Variants in ATG10 observed in about 807,000 individuals in gnomAD.
ATG10 encodes the protein autophagy related 10.
ATG10 carries 30 observed loss-of-function variants against 32.1 expected under a neutral mutation model. The observed-to-expected ratio is 0.94, with a 90% CI of 0.70 to 1.27. ATG10 has a LOEUF of 1.27. Among genes scored for constraint, ATG10 ranks in the 50% most tolerant of loss-of-function variants. ATG10 has a pLI of 0.00. For synonymous variants in ATG10, 87 were observed against 91.5 expected, an observed-to-expected ratio of 0.95 and a Z score of 0.28; for missense variants, 233 against 262.3, an observed-to-expected ratio of 0.89 and a Z score of 0.77.
At chr5:82,075,273 T>C (rs1372328765) in intron 3 of ATG10, among the ~76,000 whole-genome samples, 4 of 152,094 alleles carry the variant, frequency 2.6e-5, no homozygotes, top group African/African-American at 9.7e-5. Context: ...GGGCAAGATA[T>C]AAAGAGCTTG....
intron 3 of ATG10, among the ~76,000 whole-genome samples, chr5:82,139,485 T>G (rs1766945746): frequency 7.8e-6 from 1 of 128,778 alleles, no homozygotes; most frequent in African/African-American, 3.0e-5. Context: ...GGAGCGCCTC[T>G]GCCCCGCCGC....
chr5:82,070,733 C>T (rs1257680470), intron 3 of ATG10, among the ~76,000 whole-genome samples: 1 of 152,142 alleles, frequency 6.6e-6, no homozygotes. Flanking sequence ...CCTCTATTGC[C>T]ACTTCCCAAT....
chr5:82,117,913 T>C (rs1765872861), intron 3 of ATG10, among the ~76,000 whole-genome samples: 5 of 152,026 alleles, frequency 3.3e-5, no homozygotes, highest in South Asian at 2.1e-4. Context: ...TTTAGGAGGA[T>C]TGTGGCACTA....
chr5:82,236,470 A>T (rs1233004698), intron 5 of ATG10, among the ~76,000 whole-genome samples: 1 of 152,180 alleles, frequency 6.6e-6, no homozygotes, highest in Non-Finnish European at 1.5e-5. Context: ...CTAATCCAGG[A>T]GCTGGAGTGG....
chr5:82,118,318 A>G (rs73768631), intron 3 of ATG10, among the ~76,000 whole-genome samples: 1,545 of 124,328 alleles, frequency 0.012, 15 homozygotes, highest in African/African-American at 0.04. Flanking sequence ...GTGTGTGTGT[A>G]TATATATATA....
intron 3 of ATG10, among the ~76,000 whole-genome samples, chr5:82,063,932 C>T (rs1278609385): frequency 6.7e-6 from 1 of 149,158 alleles, no homozygotes; most frequent in East Asian, 1.9e-4. Context: ...TCCCATGACA[C>T]AAATTTACCT....
chr5:82,220,547 C>T (rs1420373675), intron 5 of ATG10, among the ~76,000 whole-genome samples: 1 of 152,012 alleles, frequency 6.6e-6, no homozygotes, highest in Admixed American at 6.6e-5. Flanking sequence ...CAGGTGTGAG[C>T]TACCGCGCCT....
chr5:82,153,117 T>C (rs1320164315), intron 3 of ATG10, among the ~76,000 whole-genome samples: 1 of 152,212 alleles, frequency 6.6e-6, no homozygotes, highest in East Asian at 1.9e-4. Flanking sequence ...TATATTCTTA[T>C]AGCACTTGCA....
At chr5:82,016,783 G>A (rs921487744) in intron 2 of ATG10, among the ~76,000 whole-genome samples, 3 of 151,804 alleles carry the variant, frequency 2.0e-5, no homozygotes, top group Non-Finnish European at 2.9e-5. Flanking sequence ...CTGCCTCCCA[G>A]GTTCACACCA....
chr5:82,114,456 C>T (rs1472912172), intron 3 of ATG10, among the ~76,000 whole-genome samples: 2 of 152,162 alleles, frequency 1.3e-5, no homozygotes, highest in East Asian at 3.9e-4. Flanking sequence ...TGGTTTCCTG[C>T]CCTGCCCACA....
At chr5:82,047,109 AAG>A (rs1291798827) in intron 2 of ATG10, among the ~76,000 whole-genome samples, 1 of 152,120 alleles carries the variant, frequency 6.6e-6, no homozygotes, top group African/African-American at 2.4e-5. Flanking sequence ...AGCAGGAACA[AAG>A]AGAGAAAAAA....
rs1245130579 is a variant in ATG10, at chr5:82,124,391, C to T, written c.217-40008C>T. Among the ~76,000 whole-genome samples, 3 of 151,266 alleles carry T rather than the reference C, an allele frequency of 2.0e-5. No homozygotes were observed. The South Asian group carries it at 6.3e-4, about 32-fold the overall frequency. ...GGTATACATGTGCCATGGTGGTTTG[C>T]TCCACCCATCAACCCATCATCTACA... On this transcript the variant is annotated intron_variant, in intron 3 of 7. Coordinates refer to ENST00000282185, the MANE Select transcript of ATG10 (RefSeq NM_031482.5).
chr5:82,041,577 G>T (rs2149728084), intron 2 of ATG10, among the ~76,000 whole-genome samples: 1 of 152,198 alleles, frequency 6.6e-6, no homozygotes, highest in Non-Finnish European at 1.5e-5. Flanking sequence ...CTCCTAAAAA[G>T]ATACAGAAAT....
At chr5:82,058,764 A>T (rs1451609449) in intron 3 of ATG10, among the ~76,000 whole-genome samples, 162 bp downstream of exon 3, 1 of 152,214 alleles carries the variant, frequency 6.6e-6, no homozygotes, top group African/African-American at 2.4e-5. Context: ...TAAATATTTT[A>T]AAAACTTCAA....
At chr5:82,142,061 A>T (rs1767174171) in intron 3 of ATG10, among the ~76,000 whole-genome samples, 1 of 152,210 alleles carries the variant, frequency 6.6e-6, no homozygotes, top group Non-Finnish European at 1.5e-5. Flanking sequence ...TACAGTGCAT[A>T]TTCTGGATTA....
intron 2 of ATG10, among the ~76,000 whole-genome samples, chr5:82,043,941 G>A (rs917119091): frequency 6.6e-6 from 1 of 152,000 alleles, no homozygotes; most frequent in East Asian, 1.9e-4. Context: ...CCTCCAAACT[G>A]TTCCAACTTC....
At chr5:82,130,732 A>G (rs1766484379) in intron 3 of ATG10, among the ~76,000 whole-genome samples, 5 of 152,120 alleles carry the variant, frequency 3.3e-5, no homozygotes, top group Admixed American at 3.3e-4. Flanking sequence ...AAATGCTGAA[A>G]TCACCTACTT....
At chr5:82,013,822 C>T (rs1400498079) in intron 2 of ATG10, among the ~76,000 whole-genome samples, 1 of 152,052 alleles carries the variant, frequency 6.6e-6, no homozygotes, top group Non-Finnish European at 1.5e-5. Flanking sequence ...ATTGTCTATT[C>T]ATGTCCTTAG....
intron 3 of ATG10, among the ~76,000 whole-genome samples, chr5:82,092,920 G>A (rs1764939858): frequency 6.6e-6 from 1 of 152,140 alleles, no homozygotes; most frequent in Non-Finnish European, 1.5e-5. Flanking sequence ...AAACAAGAAT[G>A]AGTAGGTTTA....
Sources: gnomAD v4.1 joint callset for allele counts (sites outside exome capture counted in the v4.1 genomes callset) on GRCh38, gnomAD v4.1.1 for gene constraint, MANE v1.5 for transcripts, NCBI Gene and HGNC (gene_info 2026-07-23, HGNC 2026-07-21) for gene names.